The following FRMPD4 variants were observed in gnomAD, a reference collection of about 807,000 sequenced individuals.
FRMPD4 encodes the protein FERM and PDZ domain-containing protein 4.
Under a neutral mutation model 94.1 loss-of-function variants are expected in FRMPD4, and 22 were observed. That is an observed-to-expected ratio of 0.23 (90% CI 0.17 to 0.33). The LOEUF (loss-of-function observed/expected upper bound fraction) is 0.33. Ranked by LOEUF, FRMPD4 falls within the 10% of genes least tolerant of loss-of-function variation. The pLI, the probability that FRMPD4 is intolerant of heterozygous loss-of-function variation, is 1.00. For synonymous variants in FRMPD4, 631 were observed against 548.6 expected (o/e 1.15, Z -2.10); for missense variants, 1,111 against 1,339.9 (o/e 0.83, Z 2.67).
chrX:12,173,403 C>T (rs892651755), intron 1 of FRMPD4, among the ~76,000 whole-genome samples: 1 of 112,336 alleles, frequency 8.9e-6, no homozygotes, highest in Non-Finnish European at 1.9e-5. Flanking sequence ...CTCCAGGGAT[C>T]ACCAGCTTTT....
At chrX:12,309,281 T>C (rs1192602985) in intron 1 of FRMPD4, among the ~76,000 whole-genome samples, 1 of 111,605 alleles carries the variant, frequency 9.0e-6, no homozygotes, top group Non-Finnish European at 1.9e-5. Flanking sequence ...GGGATTTGTC[T>C]ACATGTAACT....
intron 3 of FRMPD4, among the ~76,000 whole-genome samples, chrX:12,022,758 G>A (rs746681615): frequency 6.3e-5 from 7 of 110,968 alleles, no homozygotes; most frequent in East Asian, 2.8e-4. Flanking sequence ...CTTGGCTTTC[G>A]GTAGGGTATT....
At position 12,022,493 on chromosome X, in the gene FRMPD4, C is replaced by T. The variant is rs1185974126; in HGVS notation, c.95+144475C>T. On this transcript the variant is annotated intron_variant, in intron 3 of 18. Transcript: ENST00000640291. ...TCTCCCTTGCCAGGAGCAGCTCACT[C>T]CTAGGTCATTCCATGTTAAATCAGC... Among the ~76,000 whole-genome samples the T allele has an allele frequency of 8.9e-5, 10 of 112,143 alleles. 1 individual carries two copies. Among genetic ancestry groups the T allele is most frequent in the Non-Finnish European group, 1.5e-4 (8 of 53,194 alleles).
intron 3 of FRMPD4, among the ~76,000 whole-genome samples, chrX:12,059,038 T>A (rs2054870581): frequency 8.9e-6 from 1 of 112,191 alleles, no homozygotes; most frequent in South Asian, 3.7e-4. Context: ...ATCTTTATTG[T>A]TCATTTTAAA....
At chrX:12,249,509 T>C (rs2054003812) in intron 1 of FRMPD4, among the ~76,000 whole-genome samples, 1 of 111,605 alleles carries the variant, frequency 9.0e-6, no homozygotes, top group Admixed American at 9.5e-5. Context: ...CTGGGGCAGC[T>C]GGATGGAGGT....
At chrX:12,535,095 C>G (rs1326226310) in intron 2 of FRMPD4, among the ~76,000 whole-genome samples, 1 of 111,546 alleles carries the variant, frequency 9.0e-6, no homozygotes. Flanking sequence ...ATAAGTCTCA[C>G]AAGATCTGTG....
chrX:11,850,404 A>C (rs2053613972), intron 1 of FRMPD4, among the ~76,000 whole-genome samples: 1 of 112,483 alleles, frequency 8.9e-6, no homozygotes, highest in South Asian at 3.6e-4. Context: ...TTCCTCAAAA[A>C]GTTAAAAATA....
In FRMPD4 at chrX:12,705,531, A is replaced by ATT. The variant is rs60352293; in HGVS notation, c.1197+1056_1197+1057dup. Reference sequence around the variant, plus strand: ...TCTATCCCCTCCTCACCCCACGACAATTTTTTTTTTTAAGTATAATCAGTT... The same window carrying ATT: ...TCTATCCCCTCCTCACCCCACGACAATTTTTTTTTTTTTAAGTATAATCAGTT... On this transcript the variant is annotated intron_variant, in intron 11 of 16. Transcript: ENST00000675598. Among the ~76,000 whole-genome samples the ATT allele has an allele frequency of 9.0e-3, 951 of 106,063 alleles. 14 individuals are homozygous for ATT. The highest frequency in any genetic ancestry group is 0.029 in the African/African-American group (853 of 29,016). The allele number at this position is 106,063 out of a possible 115,157, so 92.1% of individuals were successfully genotyped here. A position where few individuals can be genotyped will look rare whatever the true frequency, so the allele number is the denominator to read the frequency against.
intron 1 of FRMPD4, among the ~76,000 whole-genome samples, chrX:12,170,030 G>A (rs5935252): frequency 0.26 from 28,471 of 110,713 alleles, 2,995 homozygotes; most frequent in Non-Finnish European, 0.35. Context: ...ATAATTTTCC[G>A]CAAAATATTT....
intron 3 of FRMPD4, among the ~76,000 whole-genome samples, chrX:11,907,791 T>C (rs1423979585): frequency 8.9e-6 from 1 of 111,958 alleles, no homozygotes; most frequent in Non-Finnish European, 1.9e-5. Context: ...CTTGATTTTT[T>C]CCCCTTAGTG....
chrX:12,518,800 A>G (rs758236191), intron 2 of FRMPD4, among the ~76,000 whole-genome samples: 25 of 109,130 alleles, frequency 2.3e-4, no homozygotes, highest in Admixed American at 1.1e-3. Context: ...ATATGTAGAA[A>G]ACACTAAAAA....
chrX:12,359,902 G>A (rs958263140), intron 1 of FRMPD4, among the ~76,000 whole-genome samples: 2 of 112,119 alleles, frequency 1.8e-5, no homozygotes, highest in African/African-American at 6.5e-5. Flanking sequence ...GGTGTCTCAT[G>A]TGTGACATCA....
At position 11,927,719 on chromosome X, in the gene FRMPD4, A is replaced by G. The variant is rs765513088; in HGVS notation, c.95+49701A>G. 8.0e-5 allele frequency among the ~76,000 whole-genome samples: 9 copies of G among 112,484 alleles called. No individual in the cohort carries two copies. In the East Asian group the frequency reaches 2.5e-3, roughly 31 times the overall value. The stretch of plus-strand genomic sequence containing the variant: ...TATGCAGAAGATTGAAACTTGACCC[A>G]TTCCATATACCATATACAAAAATTA... On this transcript the variant is annotated intron_variant, in intron 3 of 18. Coordinates refer to the FRMPD4 transcript ENST00000640291.
intron 2 of FRMPD4, among the ~76,000 whole-genome samples, chrX:12,606,623 G>A (rs1027400681): frequency 2.7e-5 from 3 of 111,057 alleles, no homozygotes; most frequent in African/African-American, 6.6e-5. Flanking sequence ...TCTAAAACAC[G>A]TGTGACCATT....
At chrX:12,639,473 T>C (rs2059473641) in intron 4 of FRMPD4, among the ~76,000 whole-genome samples, 1 of 112,319 alleles carries the variant, frequency 8.9e-6, no homozygotes, top group Non-Finnish European at 1.9e-5. Flanking sequence ...TTTGTTGTCC[T>C]GCTGAAAGCA....
intron 1 of FRMPD4, among the ~76,000 whole-genome samples, chrX:12,463,741 G>A (rs189811644): frequency 3.1e-5 from 3 of 98,182 alleles, no homozygotes; most frequent in Non-Finnish European, 6.1e-5. Context: ...TGTGAGGGCA[G>A]GTAGTTTATT....
At chrX:12,198,604 C>T (rs2056593683) in intron 1 of FRMPD4, among the ~76,000 whole-genome samples, 1 of 111,753 alleles carries the variant, frequency 8.9e-6, no homozygotes, top group Admixed American at 9.5e-5. Context: ...CATCATTCTT[C>T]ATCTACTCAT....
intron 1 of FRMPD4, among the ~76,000 whole-genome samples, chrX:11,856,950 A>T (rs891596223): frequency 8.9e-6 from 1 of 111,785 alleles, no homozygotes; most frequent in African/African-American, 3.3e-5. Flanking sequence ...ATTAACTCCC[A>T]TTCACAAATA....
intron 3 of FRMPD4, among the ~76,000 whole-genome samples, chrX:12,006,045 C>A (rs1447943599): frequency 9.0e-6 from 1 of 110,977 alleles, no homozygotes; most frequent in African/African-American, 3.3e-5. Flanking sequence ...GTACAATGAA[C>A]CCATTTGCCT....
Sources: gnomAD v4.1 joint callset for allele counts (sites outside exome capture counted in the v4.1 genomes callset) on GRCh38, gnomAD v4.1.1 for gene constraint, MANE v1.5 for transcripts, NCBI Gene and HGNC (gene_info 2026-07-23, HGNC 2026-07-21) for gene names.